Variants in PAK5 observed in about 807,000 individuals in gnomAD.
PAK5 encodes serine/threonine-protein kinase PAK 5.
PAK5 carries 16 observed loss-of-function variants against 65.9 expected under a neutral mutation model. The observed-to-expected ratio is 0.24, with a 90% confidence interval of 0.16 to 0.37. PAK5 has a LOEUF of 0.37. Ranked by LOEUF, PAK5 falls within the 10% of genes least tolerant of loss-of-function variation. The probability of loss-of-function intolerance (pLI) is 1.00; values close to 1 mark genes in which losing one functional copy is unlikely to be tolerated. For missense variants in PAK5, 785 were observed against 903.9 expected (o/e 0.87, Z 1.69); for synonymous variants, 371 against 354.9 (o/e 1.05, Z -0.51).
At chr20:9,708,775 G>A (rs1459322735) in intron 2 of PAK5, among the ~76,000 whole-genome samples, 6 of 152,112 alleles carry the variant, frequency 3.9e-5, no homozygotes, top group African/African-American at 1.2e-4. Flanking sequence ...GCCCTTAGTC[G>A]AGACATATGG....
intron 3 of PAK5, among the ~76,000 whole-genome samples, chr20:9,640,346 A>C (rs1211342207): frequency 3.3e-5 from 5 of 151,536 alleles, no homozygotes; most frequent in Non-Finnish European, 5.9e-5. Context: ...TTTGCTGAGA[A>C]TGATGGTTTC....
intron 1 of PAK5, among the ~76,000 whole-genome samples, chr20:9,778,355 G>A (rs1275096699): frequency 2.0e-5 from 3 of 151,832 alleles, no homozygotes; most frequent in Non-Finnish European, 2.9e-5. Flanking sequence ...CTCTCACCTC[G>A]GCCTCCCATG....
At chr20:9,822,756 C>T (rs1384919659) in intron 1 of PAK5, among the ~76,000 whole-genome samples, 1 of 152,200 alleles carries the variant, frequency 6.6e-6, no homozygotes, top group African/African-American at 2.4e-5. Flanking sequence ...CAGTCAGTAT[C>T]TGTGTTTCTA....
At chr20:9,778,254 T>A (rs1294290494) in intron 1 of PAK5, among the ~76,000 whole-genome samples, 2 of 152,174 alleles carry the variant, frequency 1.3e-5, no homozygotes, top group African/African-American at 2.4e-5. Context: ...GTTGTTGTTT[T>A]AAGGATAGGA....
intron 1 of PAK5, among the ~76,000 whole-genome samples, chr20:9,750,338 A>T (rs2048561304): frequency 6.6e-6 from 1 of 152,186 alleles, no homozygotes; most frequent in Non-Finnish European, 1.5e-5. Flanking sequence ...ACATTGACGA[A>T]GGAGGCTCTA....
chr20:9,833,883 A>C (rs1259590986), intron 1 of PAK5, among the ~76,000 whole-genome samples: 6 of 152,262 alleles, frequency 3.9e-5, no homozygotes, highest in African/African-American at 1.4e-4. Flanking sequence ...CGAGTATTTT[A>C]TGTATGTTTC....
chr20:9,543,669 C>G (rs1232112381), intron 8 of PAK5, among the ~76,000 whole-genome samples: 2 of 152,166 alleles, frequency 1.3e-5, no homozygotes, highest in East Asian at 3.9e-4. Flanking sequence ...AACACTATGC[C>G]TAGCCGAAAC....
At chr20:9,777,820 A>G (rs2048902425) in intron 1 of PAK5, among the ~76,000 whole-genome samples, 1 of 152,148 alleles carries the variant, frequency 6.6e-6, no homozygotes, top group African/African-American at 2.4e-5. Flanking sequence ...ATGTGTGAGG[A>G]TGGGAAAAAT....
intron 2 of PAK5, among the ~76,000 whole-genome samples, chr20:9,654,097 C>T (rs2047235870): frequency 6.6e-6 from 1 of 151,960 alleles, no homozygotes; most frequent in Admixed American, 6.6e-5. Context: ...CCTCAGCCAC[C>T]TGAGTGGCTG....
intron 3 of PAK5, among the ~76,000 whole-genome samples, chr20:9,611,613 T>A (rs1314482651): frequency 1.3e-5 from 2 of 152,188 alleles, no homozygotes; most frequent in African/African-American, 4.8e-5. Flanking sequence ...AGTTCTCCCG[T>A]GTATATGCAA....
At chr20:9,776,239 G>A (rs961416356) in intron 1 of PAK5, among the ~76,000 whole-genome samples, 3 of 152,170 alleles carry the variant, frequency 2.0e-5, no homozygotes, top group African/African-American at 7.2e-5. Flanking sequence ...AAAAGGTAGA[G>A]TCAGAATTTC....
chr20:9,646,587 T>C (rs2047137593), intron 2 of PAK5, among the ~76,000 whole-genome samples: 2 of 152,206 alleles, frequency 1.3e-5, no homozygotes, highest in African/African-American at 4.8e-5. Flanking sequence ...CCTGCTGTCA[T>C]AGACTGCTGC....
intron 2 of PAK5, among the ~76,000 whole-genome samples, chr20:9,704,647 T>C (rs1478162657): frequency 6.6e-6 from 1 of 152,138 alleles, no homozygotes; most frequent in Non-Finnish European, 1.5e-5. Context: ...CCTAGGACAC[T>C]GAACCTGAGA....
intron 3 of PAK5, 36 bp from the exon 4 acceptor site, chr20:9,580,966 T>A: frequency 2.7e-6 from 4 of 1,457,458 alleles, no homozygotes; most frequent in Non-Finnish European, 3.7e-6. Flanking sequence ...TTAAAGAAAA[T>A]ATTTCATGGA....
intron 1 of PAK5, among the ~76,000 whole-genome samples, chr20:9,814,587 T>C (rs1207333015): frequency 1.3e-5 from 2 of 152,326 alleles, no homozygotes; most frequent in East Asian, 1.9e-4. Flanking sequence ...AGTGTTCTTT[T>C]AGATTTACTG....
intron 2 of PAK5, among the ~76,000 whole-genome samples, chr20:9,679,274 G>C (rs1211100243): frequency 6.6e-6 from 1 of 152,064 alleles, no homozygotes; most frequent in Non-Finnish European, 1.5e-5. Context: ...TCTGATATCA[G>C]TAAGACTTCC....
intron 1 of PAK5, among the ~76,000 whole-genome samples, chr20:9,768,982 G>T (rs142673030): frequency 6.6e-6 from 1 of 152,100 alleles, no homozygotes; most frequent in East Asian, 1.9e-4. Context: ...TAATTGCCCC[G>T]TTCATTTCTT....
intron 3 of PAK5, among the ~76,000 whole-genome samples, chr20:9,594,424 T>C (rs1470195416): frequency 1.3e-5 from 2 of 152,228 alleles, no homozygotes; most frequent in African/African-American, 4.8e-5. Flanking sequence ...CAACATCCTG[T>C]TCCTGAGTAA....
At chr20:9,588,400 ACT>A (rs1415810328) in intron 3 of PAK5, among the ~76,000 whole-genome samples, 2 of 152,066 alleles carry the variant, frequency 1.3e-5, no homozygotes, top group African/African-American at 2.4e-5. Flanking sequence ...TAAAGCACAC[ACT>A]CTTCCGTTTC....
Sources: gnomAD v4.1 joint callset for allele counts (sites outside exome capture counted in the v4.1 genomes callset) on GRCh38, gnomAD v4.1.1 for gene constraint, MANE v1.5 for transcripts, NCBI Gene and HGNC (gene_info 2026-07-23, HGNC 2026-07-21) for gene names.